Variants in MGAT4C observed in about 807,000 individuals in gnomAD.
The protein encoded by MGAT4C is MGAT4 family member C.
Under a neutral mutation model 40.1 loss-of-function variants are expected in MGAT4C, and 19 were observed. The ratio of observed to expected loss-of-function variants is 0.47; its 90% CI spans 0.33 to 0.70. The LOEUF is 0.70. MGAT4C is among the 30% of genes least tolerant of loss of function. The probability of loss-of-function intolerance (pLI) is 0.02; values close to 1 mark genes in which losing one functional copy is unlikely to be tolerated. For synonymous variants in MGAT4C, 181 were observed against 187.1 expected (o/e 0.97, Z 0.27); for missense variants, 491 against 563.2 (o/e 0.87, Z 1.30).
intron 2 of MGAT4C, among the ~76,000 whole-genome samples, chr12:86,017,213 T>C (rs1044883122): frequency 6.6e-6 from 1 of 152,168 alleles, no homozygotes; most frequent in Non-Finnish European, 1.5e-5. Context: ...AGTGTGTGTG[T>C]GTATGTATGT....
intron 2 of MGAT4C, among the ~76,000 whole-genome samples, chr12:86,048,266 A>T (rs1285693669): frequency 3.3e-5 from 5 of 152,148 alleles, no homozygotes; most frequent in Non-Finnish European, 7.4e-5. Flanking sequence ...CACTGAGTAC[A>T]CATGGACCTA....
In MGAT4C at chr12:85,970,006, G is replaced by T. The variant is rs1211060695; in HGVS notation, c.*9283C>A. 1 of 151,250 alleles carries T rather than the reference G, an allele frequency of 6.6e-6. No homozygotes were observed. The highest frequency in any genetic ancestry group is 1.5e-5 in the Non-Finnish European group (1 of 67,442). The allele number at this position is 151,250 out of a possible 1,614,324, so 9.4% of individuals were successfully genotyped here. On this transcript the variant is annotated 3_prime_UTR_variant, in exon 5 of 5. Coordinates refer to ENST00000611864, the MANE Select transcript of MGAT4C (RefSeq NM_001351288.2). The stretch of plus-strand genomic sequence containing the variant: ...CTTACATTAAGTGATCTGTAAATTA[G>T]AAGTTATTTGTTATATTTGTTTCGT...
At chr12:86,779,920 AAAAT>A (rs1480677904) in intron 1 of MGAT4C, among the ~76,000 whole-genome samples, 11 of 151,576 alleles carry the variant, frequency 7.3e-5, no homozygotes, top group Non-Finnish European at 1.5e-4. Flanking sequence ...CTCAAAAATA[AAAAT>A]AAAAAATAAT....
chr12:86,469,243 G>A (rs1168072726), intron 2 of MGAT4C, among the ~76,000 whole-genome samples: 2 of 152,082 alleles, frequency 1.3e-5, no homozygotes, highest in Non-Finnish European at 2.9e-5. Flanking sequence ...CCTGCTTTCT[G>A]ATATTTACCC....
intron 2 of MGAT4C, among the ~76,000 whole-genome samples, chr12:86,490,876 A>T (rs1371128888): frequency 6.6e-6 from 1 of 152,348 alleles, no homozygotes. Flanking sequence ...TCCTAAATAT[A>T]TATGCACTCA....
At chr12:86,620,890 G>T (rs1397699738) in intron 2 of MGAT4C, among the ~76,000 whole-genome samples, 1 of 151,990 alleles carries the variant, frequency 6.6e-6, no homozygotes, top group African/African-American at 2.4e-5. Flanking sequence ...CACCATGTAA[G>T]ACACACTTGC....
At chr12:86,688,329 C>A (rs1950112678) in intron 2 of MGAT4C, among the ~76,000 whole-genome samples, 1 of 151,972 alleles carries the variant, frequency 6.6e-6, no homozygotes, top group South Asian at 2.1e-4. Context: ...TTAATTGGGG[C>A]ATTTAGCTCA....
intron 2 of MGAT4C, among the ~76,000 whole-genome samples, chr12:86,535,728 C>A (rs1243541762): frequency 6.6e-6 from 1 of 151,998 alleles, no homozygotes; most frequent in East Asian, 1.9e-4. Flanking sequence ...ATAAGGCATC[C>A]AGAAATGCAA....
intron 2 of MGAT4C, among the ~76,000 whole-genome samples, chr12:85,993,704 T>C (rs561095359): frequency 1.3e-5 from 2 of 152,184 alleles, no homozygotes; most frequent in East Asian, 3.9e-4. Context: ...CTGGGAGTGG[T>C]CACCTCAGTA....
At chr12:86,011,939 T>C (rs764465667) in intron 2 of MGAT4C, 99 of 812,702 alleles carry the variant, frequency 1.2e-4, no homozygotes, top group Non-Finnish European at 1.5e-4. Flanking sequence ...GATGAGTTAC[T>C]TGAGCAGGAG....
At chr12:86,294,599 C>T (rs1363660123) in intron 4 of MGAT4C, among the ~76,000 whole-genome samples, 2 of 152,104 alleles carry the variant, frequency 1.3e-5, no homozygotes, top group Non-Finnish European at 2.9e-5. Context: ...CTCCTTTCTG[C>T]AACTGTACAA....
At chr12:86,324,914 A>G (rs1954490293) in intron 4 of MGAT4C, among the ~76,000 whole-genome samples, 2 of 152,140 alleles carry the variant, frequency 1.3e-5, no homozygotes, top group Non-Finnish European at 2.9e-5. Flanking sequence ...AATGATTATT[A>G]TTGAGCCTTG....
chr12:86,660,085 T>A (rs984306230), intron 2 of MGAT4C, among the ~76,000 whole-genome samples: 1 of 152,144 alleles, frequency 6.6e-6, no homozygotes, highest in South Asian at 2.1e-4. Context: ...CTTTAACAGA[T>A]CAGACAATGC....
intron 2 of MGAT4C, among the ~76,000 whole-genome samples, chr12:86,606,613 A>G (rs957761730): frequency 3.9e-5 from 6 of 151,986 alleles, no homozygotes; most frequent in Non-Finnish European, 7.4e-5. Context: ...GTTCCTGTTA[A>G]CTCACTCAGA....
chr12:86,801,356 G>A (rs1565998726), intron 1 of MGAT4C, among the ~76,000 whole-genome samples: 1 of 151,824 alleles, frequency 6.6e-6, no homozygotes, highest in Admixed American at 6.6e-5. Context: ...GAGAATGTGT[G>A]TGATTTTACC....
rs73387133 is a variant in MGAT4C at position 86,142,815 on chromosome 12, C to T, written c.-56-93092G>A. On this transcript the variant is annotated intron_variant, in intron 1 of 4. Transcript: ENST00000611864. ...TATTACTGTGGATTCAGTTGTGTCCCTCTCAAAATTCATATGTTGAAGCTC... is the reference window on the plus strand; with the variant it reads ...TATTACTGTGGATTCAGTTGTGTCCTTCTCAAAATTCATATGTTGAAGCTC... 3.2e-3 allele frequency among the ~76,000 whole-genome samples: 487 copies of T among 151,650 alleles called. 2 individuals are homozygous for T. Among genetic ancestry groups the T allele is most frequent in the African/African-American group, 0.011 (475 of 41,330 alleles).
chr12:86,652,683 A>C (rs1193024687), intron 2 of MGAT4C, among the ~76,000 whole-genome samples: 1 of 151,924 alleles, frequency 6.6e-6, no homozygotes, highest in Non-Finnish European at 1.5e-5. Context: ...ATTGTGAAAA[A>C]CAAAAAAATG....
intron 2 of MGAT4C, among the ~76,000 whole-genome samples, chr12:86,562,890 G>A (rs1959935963): frequency 6.6e-6 from 1 of 152,076 alleles, no homozygotes; most frequent in South Asian, 2.1e-4. Flanking sequence ...TTCCAGCTAG[G>A]GGAGTTTAAA....
At chr12:86,076,854 C>T (rs1322524054) in intron 1 of MGAT4C, among the ~76,000 whole-genome samples, 1 of 151,992 alleles carries the variant, frequency 6.6e-6, no homozygotes, top group Non-Finnish European at 1.5e-5. Context: ...CATATCATCA[C>T]ACAATAAGCC....
Sources: allele counts gnomAD v4.1 joint callset (sites outside exome capture counted in the v4.1 genomes callset), GRCh38; gene constraint gnomAD v4.1.1; transcripts MANE v1.5; gene names NCBI Gene and HGNC (gene_info 2026-07-23, HGNC 2026-07-21).